RSF1: variants seen among roughly 807,000 people sequenced by gnomAD.
The protein encoded by RSF1 is remodeling and spacing factor 1, also known as HBV pX-associated protein 8.
In RSF1, 13 loss-of-function variants were observed where a neutral mutation model predicts 145.2. The observed-to-expected ratio is 0.09, with a 90% CI of 0.06 to 0.14. The LOEUF (loss-of-function observed/expected upper bound fraction) is 0.14, where lower values mean the gene tolerates loss of function less well. Among genes scored for constraint, RSF1 ranks in the 10% least tolerant of loss-of-function variants. The probability of loss-of-function intolerance (pLI) is 1.00; values close to 1 mark genes in which losing one functional copy is unlikely to be tolerated. For synonymous variants in RSF1, 577 were observed against 592.6 expected (o/e 0.97, Z 0.38); for missense variants, 1,517 against 1,718.2 (o/e 0.88, Z 2.07).
At chr11:77,697,487 A>AATAT (rs1275274461) in intron 7 of RSF1, among the ~76,000 whole-genome samples, 1 of 14,740 alleles carries the variant, frequency 6.8e-5, no homozygotes, top group African/African-American at 8.1e-4. Context: ...TATAATATAT[A>AATAT]ATATATATAA....
At chr11:77,711,143 T>TA (rs60863404) in intron 5 of RSF1, among the ~76,000 whole-genome samples, 4,286 of 134,478 alleles carry the variant, frequency 0.032, 200 homozygotes, top group African/African-American at 0.1. Flanking sequence ...ATTTTTAACT[T>TA]AAAAAAAAAA....
Position 77,691,230 on chromosome 11 carries a change from G to A in RSF1, c.2829C>T (p.Leu943=), listed in dbSNP as rs1329339076. The part of the protein sequence containing the change: ...WFCPPCQHKL[L]CEKLEEQLQD... ...GCAACTGTTCCTCTAATTTTTCACAGAGCAGTTTCTGAAGAAGCAAAATAG... is the reference window on the plus strand; with the variant it reads ...GCAACTGTTCCTCTAATTTTTCACAAAGCAGTTTCTGAAGAAGCAAAATAG... The change falls in exon 9 of 16, where the codon CTC becomes CTT. Residue 943 remains leucine (L), a synonymous_variant. Coordinates refer to ENST00000308488, the MANE Select transcript of RSF1 (RefSeq NM_016578.4). 1 of 1,614,050 alleles carries A rather than the reference G, an allele frequency of 6.2e-7. No homozygotes were observed.
At chr11:77,777,654 G>A (rs547850958) in intron 1 of RSF1, among the ~76,000 whole-genome samples, 10 of 152,120 alleles carry the variant, frequency 6.6e-5, no homozygotes, top group African/African-American at 2.4e-4. Context: ...CAGGAAAGCT[G>A]AGACCTTAAT....
At chr11:77,755,564 T>C (rs773507066) in intron 2 of RSF1, among the ~76,000 whole-genome samples, 3 of 150,310 alleles carry the variant, frequency 2.0e-5, no homozygotes, top group Non-Finnish European at 4.4e-5. Flanking sequence ...ACTCAAACCT[T>C]TCAAATCTGA....
intron 5 of RSF1, among the ~76,000 whole-genome samples, chr11:77,707,515 T>C (rs1003935108): frequency 6.6e-6 from 1 of 152,024 alleles, no homozygotes; most frequent in Non-Finnish European, 1.5e-5. Flanking sequence ...AAACTAAAGA[T>C]CCGAAAACAA....
chr11:77,790,057 A>G (rs4944175), intron 1 of RSF1, among the ~76,000 whole-genome samples: 26,951 of 152,192 alleles, frequency 0.18, 2,983 homozygotes, highest in African/African-American at 0.29. Context: ...TGCCATGCTG[A>G]CTGCCTAAGA....
intron 1 of RSF1, among the ~76,000 whole-genome samples, chr11:77,800,509 A>G (rs993780052): frequency 6.6e-6 from 1 of 152,144 alleles, no homozygotes; most frequent in African/African-American, 2.4e-5. Context: ...AAGAAAAGAA[A>G]AAAGTATTTT....
At chr11:77,833,800 T>A in the RSF1 span, among the ~76,000 whole-genome samples, 1 of 152,374 alleles carries the variant, frequency 6.6e-6, no homozygotes, top group South Asian at 2.1e-4. Context: ...TTAATACTTA[T>A]CTATCATTCC....
intron 1 of RSF1, among the ~76,000 whole-genome samples, chr11:77,793,755 C>T (rs185283530): frequency 4.1e-4 from 62 of 152,208 alleles, no homozygotes; most frequent in Admixed American, 1.2e-3. Context: ...GCTCCATGTG[C>T]GTCCCTCCAG....
intron 5 of RSF1, among the ~76,000 whole-genome samples, chr11:77,719,858 G>A (rs948660379): frequency 5.3e-5 from 8 of 152,076 alleles, no homozygotes; most frequent in African/African-American, 1.7e-4. Context: ...AAAAAATTAC[G>A]CTAGATGAAA....
At chr11:77,690,985 A>C in intron 9 of RSF1, 174 bp downstream of exon 9, 1 of 545,920 alleles carries the variant, frequency 1.8e-6, no homozygotes, top group Non-Finnish European at 3.2e-6. Flanking sequence ...AATCATTTAA[A>C]AACATAAAAA....
intron 9 of RSF1, among the ~76,000 whole-genome samples, chr11:77,687,162 T>C (rs780438050): frequency 3.9e-5 from 6 of 152,208 alleles, no homozygotes; most frequent in Non-Finnish European, 8.8e-5. Flanking sequence ...TTCATATACA[T>C]GTGTGTGTAT....
chr11:77,829,273 A>G, the RSF1 span, among the ~76,000 whole-genome samples: 1 of 152,178 alleles, frequency 6.6e-6, no homozygotes, highest in Non-Finnish European at 1.5e-5. Context: ...CCCAAGGAGA[A>G]AGCCCTCACG....
At chr11:77,695,335 T>C (rs1960255078) in intron 7 of RSF1, among the ~76,000 whole-genome samples, 1 of 152,152 alleles carries the variant, frequency 6.6e-6, no homozygotes, top group South Asian at 2.1e-4. Context: ...GGTGTTCTGA[T>C]GGTGATTTTC....
intron 1 of RSF1, chr11:77,813,396 A>C (rs1264684942): frequency 5.2e-6 from 6 of 1,161,762 alleles, no homozygotes; most frequent in Non-Finnish European, 7.7e-6. Context: ...CAATCTCAGA[A>C]GGACTGTGCA....
chr11:77,868,905 C>T, the RSF1 span: 2 of 203,928 alleles, frequency 9.8e-6, no homozygotes, highest in Non-Finnish European at 2.0e-5. Context: ...TCTTAGTGTG[C>T]TTAATGTGCT....
At chr11:77,863,174 C>T in the RSF1 span, among the ~76,000 whole-genome samples, 1 of 152,116 alleles carries the variant, frequency 6.6e-6, no homozygotes, top group Non-Finnish European at 1.5e-5. Context: ...ACCGTGGAAC[C>T]CAGTGACTAG....
At chr11:77,761,523 A>G (rs1948171712) in intron 2 of RSF1, among the ~76,000 whole-genome samples, 1 of 152,194 alleles carries the variant, frequency 6.6e-6, no homozygotes, top group African/African-American at 2.4e-5. Context: ...GTCTTCAGGA[A>G]AGAGGCAGGG....
At chr11:77,872,181 T>C in the RSF1 span, 1 of 1,612,810 alleles carries the variant, frequency 6.2e-7, no homozygotes, top group Non-Finnish European at 8.5e-7. Flanking sequence ...CCAGGTGCCT[T>C]CATCAACTGT....
Sources: allele counts gnomAD v4.1 joint callset (sites outside exome capture counted in the v4.1 genomes callset), GRCh38; gene constraint gnomAD v4.1.1; transcripts MANE v1.5; gene names NCBI Gene and HGNC (gene_info 2026-07-23, HGNC 2026-07-21).